The following MDGA2 variants were observed in gnomAD, a reference collection of about 807,000 sequenced individuals.
The protein encoded by MDGA2 is MAM domain containing glycosylphosphatidylinositol anchor 2.
A neutral mutation model predicts 117.8 loss-of-function variants in MDGA2; 40 were observed. The observed-to-expected ratio is 0.34, with a 90% CI of 0.26 to 0.44. The LOEUF (loss-of-function observed/expected upper bound fraction) is 0.44, where lower values mean the gene tolerates loss of function less well. Among genes scored for constraint, MDGA2 ranks in the 20% least tolerant of loss-of-function variants. The pLI is 1.00. For synonymous variants in MDGA2, 452 were observed against 439.0 expected (o/e 1.03, Z -0.37); for missense variants, 1,123 against 1,250.6 (o/e 0.90, Z 1.54).
At chr14:47,076,524 A>ATGTGTATGAGTGTGTGT (rs1411822542) in intron 6 of MDGA2, among the ~76,000 whole-genome samples, 1 of 149,408 alleles carries the variant, frequency 6.7e-6, no homozygotes, top group Non-Finnish European at 1.5e-5. Flanking sequence ...ATTTCAATAT[A>ATGTGTATGAGTGTGTGT]TGTGTATGAG....
At chr14:47,059,589 G>A (rs1217590362) in intron 7 of MDGA2, among the ~76,000 whole-genome samples, 1 of 151,968 alleles carries the variant, frequency 6.6e-6, no homozygotes, top group East Asian at 1.9e-4. Context: ...GGCTCGTTTT[G>A]TGAGCCCTGT....
At chr14:46,959,082 A>G (rs553215372) in intron 8 of MDGA2, among the ~76,000 whole-genome samples, 9 of 152,302 alleles carry the variant, frequency 5.9e-5, no homozygotes, top group African/African-American at 2.2e-4. Context: ...TAAAAGTTTT[A>G]GATATCTAAT....
intron 1 of MDGA2, among the ~76,000 whole-genome samples, chr14:47,406,949 G>A (rs539203171): frequency 6.6e-6 from 1 of 152,066 alleles, no homozygotes; most frequent in East Asian, 1.9e-4. Flanking sequence ...GCTATGTACA[G>A]TATGAACTTT....
At chr14:47,327,610 G>A (rs1325086397) in intron 1 of MDGA2, among the ~76,000 whole-genome samples, 1 of 151,986 alleles carries the variant, frequency 6.6e-6, no homozygotes, top group Non-Finnish European at 1.5e-5. Flanking sequence ...CATCTTCCTG[G>A]CTCTTAGAAT....
At chr14:47,600,554 A>C (rs927100501) in intron 1 of MDGA2, among the ~76,000 whole-genome samples, 2 of 152,122 alleles carry the variant, frequency 1.3e-5, no homozygotes, top group Admixed American at 1.3e-4. Flanking sequence ...ATTGTGTCCA[A>C]ACTTTTTCCA....
At chr14:47,070,329 A>G (rs951427038) in intron 6 of MDGA2, among the ~76,000 whole-genome samples, 1 of 152,142 alleles carries the variant, frequency 6.6e-6, no homozygotes, top group African/African-American at 2.4e-5. Flanking sequence ...AAACTTGAAA[A>G]TTTAGAGAAA....
intron 8 of MDGA2, among the ~76,000 whole-genome samples, chr14:47,008,917 C>T (rs1019422452): frequency 1.3e-5 from 2 of 151,864 alleles, no homozygotes; most frequent in Non-Finnish European, 2.9e-5. Flanking sequence ...CTTAGCTGTT[C>T]AATCATTAAA....
intron 6 of MDGA2, among the ~76,000 whole-genome samples, chr14:47,074,431 T>C (rs924060059): frequency 4.6e-5 from 7 of 152,074 alleles, no homozygotes; most frequent in African/African-American, 1.7e-4. Flanking sequence ...CCCGAGTAGC[T>C]GGGACTATAC....
At chr14:46,874,236 A>T in intron 12 of MDGA2, 36 bp from the exon 13 acceptor site, 9 of 1,046,306 alleles carry the variant, frequency 8.6e-6, no homozygotes, top group Non-Finnish European at 1.2e-5. Context: ...ATATTAATTA[A>T]ATTAATACAC....
At chr14:47,093,416 C>G (rs999715514) in intron 6 of MDGA2, among the ~76,000 whole-genome samples, 19 of 151,950 alleles carry the variant, frequency 1.3e-4, no homozygotes, top group African/African-American at 4.1e-4. Context: ...CTAAATAGAA[C>G]GAATCATGAA....
At chr14:47,448,341 T>C (rs1001109264) in intron 1 of MDGA2, among the ~76,000 whole-genome samples, 1 of 151,954 alleles carries the variant, frequency 6.6e-6, no homozygotes, top group Non-Finnish European at 1.5e-5. Context: ...GTTTTCATCA[T>C]GTTGGCCAGG....
chr14:47,310,879 T>C (rs1035556932), intron 1 of MDGA2, among the ~76,000 whole-genome samples: 3 of 152,148 alleles, frequency 2.0e-5, no homozygotes, highest in African/African-American at 7.2e-5. Context: ...GGAGAGAAGC[T>C]ATTATAACAC....
At chr14:47,197,081 G>C (rs1257921701) in intron 3 of MDGA2, among the ~76,000 whole-genome samples, 2 of 152,160 alleles carry the variant, frequency 1.3e-5, no homozygotes, top group Non-Finnish European at 2.9e-5. Context: ...TGGGTATCTA[G>C]GTTGATTCCC....
chr14:47,550,284 CTA>C (rs1357886642), intron 1 of MDGA2, among the ~76,000 whole-genome samples: 1 of 152,134 alleles, frequency 6.6e-6, no homozygotes, highest in Admixed American at 6.5e-5. Context: ...ATATTTAAGG[CTA>C]AATAGCATTT....
At chr14:47,420,226 C>T (rs557456166) in intron 1 of MDGA2, among the ~76,000 whole-genome samples, 86 of 152,182 alleles carry the variant, frequency 5.7e-4, no homozygotes, top group African/African-American at 2.0e-3. Context: ...TAATAACTGA[C>T]AAGACACCAA....
intron 8 of MDGA2, among the ~76,000 whole-genome samples, chr14:47,001,701 C>G (rs921165740): frequency 3.9e-5 from 6 of 151,940 alleles, no homozygotes; most frequent in Non-Finnish European, 7.4e-5. Context: ...CCACATTACC[C>G]CAAGAGAAAA....
chr14:47,482,578 T>C (rs1288799659), intron 1 of MDGA2, among the ~76,000 whole-genome samples: 2 of 152,108 alleles, frequency 1.3e-5, no homozygotes, highest in African/African-American at 4.8e-5. Flanking sequence ...ATGTTTATTT[T>C]ACAAAATTGA....
At chr14:47,171,908 C>G (rs1235597277) in intron 3 of MDGA2, among the ~76,000 whole-genome samples, 1 of 152,166 alleles carries the variant, frequency 6.6e-6, no homozygotes, top group African/African-American at 2.4e-5. Flanking sequence ...AAAGGGGTGA[C>G]AGTAGGCACC....
chr14:47,512,868 T>C (rs948208826), intron 1 of MDGA2, among the ~76,000 whole-genome samples: 1 of 151,844 alleles, frequency 6.6e-6, no homozygotes, highest in African/African-American at 2.4e-5. Context: ...TCAACCAGCA[T>C]TCAGAGGTGA....
Sources: gnomAD v4.1 joint callset for allele counts (sites outside exome capture counted in the v4.1 genomes callset) on GRCh38, gnomAD v4.1.1 for gene constraint, MANE v1.5 for transcripts, NCBI Gene and HGNC (gene_info 2026-07-23, HGNC 2026-07-21) for gene names.